METTL5: variants seen among roughly 807,000 people sequenced by gnomAD.
METTL5 encodes the protein rRNA N(6)-adenosine-methyltransferase METTL5.
METTL5 carries 28 observed loss-of-function variants against 26.5 expected under a neutral mutation model. The ratio of observed to expected loss-of-function variants is 1.06; its 90% CI spans 0.78 to 1.45. METTL5 has a LOEUF of 1.45. Among genes scored for constraint, METTL5 ranks in the 40% most tolerant of loss-of-function variants. The probability of loss-of-function intolerance (pLI) is 0.00; values close to 1 mark genes in which losing one functional copy is unlikely to be tolerated. For synonymous variants in METTL5, 86 were observed against 82.6 expected (o/e 1.04, Z -0.22); for missense variants, 231 against 249.9 (o/e 0.92, Z 0.51).
Position 169,821,977 on chromosome 2 carries a change from C to G in METTL5, c.190G>C (p.Val64Leu). The G allele has an allele frequency of 6.2e-7, 1 of 1,613,576 alleles. No homozygotes were observed. Among genetic ancestry groups the G allele is most frequent in the Non-Finnish European group, 8.5e-7 (1 of 1,179,990 alleles). ...AACATTGCAGTTCCGATGCTAAGTA[C>G]TCCACAACCACATCCTAGATCTGCA... ...VVADLGCGCG[V>L]LSIGTAMLGA... is the part of the protein sequence containing the mutation. Residue 64 changes from valine (V) to leucine (L), a missense_variant, in exon 2 of 7, where the codon GTA (valine) becomes CTA (leucine). Transcript: ENST00000260953.
intron 4 of METTL5, among the ~76,000 whole-genome samples, chr2:169,816,806 T>G (rs542348820): frequency 6.6e-6 from 1 of 152,110 alleles, no homozygotes; most frequent in Admixed American, 6.6e-5. Flanking sequence ...TCAAGATGGA[T>G]TAAAAATCTA....
Position 169,819,557 on chromosome 2 carries a change from T to C in METTL5, c.489+4A>G, listed in dbSNP as rs1247427484. The C allele has an allele frequency of 6.2e-7, 1 of 1,600,030 alleles. No homozygotes were observed. Among genetic ancestry groups the C allele is most frequent in the South Asian group, 1.1e-5 (1 of 90,158 alleles). On this transcript the variant is annotated splice_donor_region_variant and intron_variant, in intron 4 of 6. Transcript: ENST00000260953. ...CCACAGAATATCAGATGATTTGAACTTACTTCTCTAGTTGAGGATTTGTGT... is the reference window on the plus strand; with the variant it reads ...CCACAGAATATCAGATGATTTGAACCTACTTCTCTAGTTGAGGATTTGTGT...
chr2:169,813,111 G>C (rs186226875), intron 5 of METTL5: 1 of 148,600 alleles, frequency 6.7e-6, no homozygotes, highest in Admixed American at 7.0e-5. Context: ...AGTAGGTCTG[G>C]GTGGAGTCTG....
Position 169,811,840 on chromosome 2 carries a change from G to T in METTL5, c.610C>A (p.Leu204Ile). 1 of 1,613,520 alleles carries T rather than the reference G, an allele frequency of 6.2e-7. No homozygotes were observed. Among genetic ancestry groups the T allele is most frequent in the Non-Finnish European group, 8.5e-7 (1 of 1,179,766 alleles). Residue 204 changes from leucine (L) to isoleucine (I), a missense_variant, in exon 7 of 7, where the codon CTA becomes ATA. Coordinates refer to ENST00000260953, the MANE Select transcript of METTL5 (RefSeq NM_014168.4). ...KKKSVDIEVD[L>I]IRFSF ...GGCTTTTAAAAGGAAAACCGAATTA[G>T]GTCCACTTCAATGTCCACCTGTGAG...
Sources: gnomAD v4.1 joint callset for allele counts (sites outside exome capture counted in the v4.1 genomes callset) on GRCh38, gnomAD v4.1.1 for gene constraint, MANE v1.5 for transcripts, NCBI Gene and HGNC (gene_info 2026-07-23, HGNC 2026-07-21) for gene names.